The following GGTLC2 variants were observed in gnomAD, a reference collection of about 807,000 sequenced individuals.
The protein encoded by GGTLC2 is glutathione hydrolase light chain 2.
Under a neutral mutation model 20.2 loss-of-function variants are expected in GGTLC2, and 13 were observed. The ratio of observed to expected loss-of-function variants is 0.64; its 90% CI spans 0.42 to 1.02. The LOEUF is 1.02. Among genes scored for constraint, GGTLC2 ranks in the 50% least tolerant of loss-of-function variants. The pLI, the probability that GGTLC2 is intolerant of heterozygous loss-of-function variation, is 0.00. For missense variants in GGTLC2, 202 were observed against 301.3 expected, an observed-to-expected ratio of 0.67 and a Z score of 2.44; for synonymous variants, 89 against 125.5, an observed-to-expected ratio of 0.71 and a Z score of 1.94.
chr22:22,646,930 G>A, intron 3 of GGTLC2, 49 bp downstream of exon 3: 1 of 1,612,198 alleles, frequency 6.2e-7, no homozygotes, highest in East Asian at 2.2e-5. Context: ...AGAGGGGCGG[G>A]TGTCCTGGGC....
At chr22:22,645,268 C>T (rs1183182479) in intron 1 of GGTLC2, among the ~76,000 whole-genome samples, 2 of 151,456 alleles carry the variant, frequency 1.3e-5, no homozygotes, top group Non-Finnish European at 2.9e-5. Context: ...TCTGTCTCCT[C>T]CTTGACCTCC....
At chr22:22,645,998 C>T (rs1439046597) in intron 1 of GGTLC2, 94 of 497,854 alleles carry the variant, frequency 1.9e-4, no homozygotes, top group South Asian at 2.4e-4. Flanking sequence ...AGGGCAGGAC[C>T]TAAGTGTCTG....
At position 22,646,441 on chromosome 22, in the gene GGTLC2, G is replaced by A. The variant is rs9612135; in HGVS notation, c.96G>A (p.Pro32=). 726,979 of 1,425,596 alleles carry A rather than the reference G, an allele frequency of 0.51. 229,397 individuals carry two copies. Among genetic ancestry groups the A allele is most frequent in the Admixed American group, 0.66 (32,508 of 48,986 alleles). The allele number at this position is 1,425,596 out of a possible 1,614,324, so 88.3% of individuals were successfully genotyped here. A position where few individuals can be genotyped will look rare whatever the true frequency, so the allele number is the denominator to read the frequency against. ...ACTACAAGCCCGAGTTCTACACGCC[G>A]GTTGATGGGGGCACTGCTCACCTGT... The part of the protein sequence containing the change: ...ISYYKPEFYT[P]VDGGTAHLSV... The change falls in exon 2 of 6, where the codon CCG becomes CCA. Residue 32 remains proline (P), a synonymous_variant. Transcript: ENST00000448514.
chr22:22,645,609 C>T (rs1415252160), intron 1 of GGTLC2, among the ~76,000 whole-genome samples: 1 of 150,754 alleles, frequency 6.6e-6, no homozygotes, highest in African/African-American at 2.4e-5. Flanking sequence ...TATCCTTATC[C>T]CCGTCATAGC....
intron 4 of GGTLC2, 28 bp downstream of exon 4, chr22:22,647,066 G>A (rs374411768): frequency 6.2e-7 from 1 of 1,611,682 alleles, no homozygotes; most frequent in Non-Finnish European, 8.5e-7. Flanking sequence ...AGCTGCTGGG[G>A]GCACACAGAT....
intron 5 of GGTLC2, 135 bp downstream of exon 5, chr22:22,647,425 C>T: frequency 3.7e-6 from 5 of 1,335,342 alleles, no homozygotes; most frequent in Non-Finnish European, 5.2e-6. Flanking sequence ...AGCCCCTGTG[C>T]CATGAGGGCC....
chr22:22,647,468 C>T, intron 5 of GGTLC2, 127 bp from the exon 6 acceptor site: 1 of 1,040,070 alleles, frequency 9.6e-7, no homozygotes, highest in African/African-American at 1.6e-5. Flanking sequence ...CCAGCAGGCC[C>T]CAACCTGCTC....
At chr22:22,644,882 C>T (rs1327987769) in intron 1 of GGTLC2, among the ~76,000 whole-genome samples, 174 bp downstream of exon 1, 16 of 32,526 alleles carry the variant, frequency 4.9e-4, no homozygotes, top group South Asian at 3.1e-3. Context: ...CAGACTCTCT[C>T]TTTTTTTTTT....
At chr22:22,645,596 C>A (rs374850310) in intron 1 of GGTLC2, among the ~76,000 whole-genome samples, 23 of 150,820 alleles carry the variant, frequency 1.5e-4, no homozygotes, top group African/African-American at 4.4e-4. Flanking sequence ...CCCCTTTGGG[C>A]TTTATCCTTA....
rs377676506 is a variant in GGTLC2, at chr22:22,646,710, G to A, written c.177-44G>A. 1.7e-3 allele frequency: 2,651 copies of A among 1,601,164 alleles called. 13 individuals carry two copies. The highest frequency in any genetic ancestry group is 1.7e-3 in the Non-Finnish European group (2,027 of 1,173,594). Reference sequence around the variant, plus strand: ...TCAGTGGGTGGATAGGGACCAGGCTGGGCCAGGCAAGGTCAGGTGCTGTCT... The same window carrying A: ...TCAGTGGGTGGATAGGGACCAGGCTAGGCCAGGCAAGGTCAGGTGCTGTCT... On this transcript the variant is annotated intron_variant, in intron 2 of 5. Coordinates refer to ENST00000448514, the MANE Select transcript of GGTLC2 (RefSeq NM_199127.3).
chr22:22,646,421 A>T lies in GGTLC2; in HGVS notation c.76A>T (p.Lys26Ter). ...DDTTHPISYYKPEFYTPVDGG... is the reference protein window; with the variant it reads ...DDTTHPISYY ...CACCACTCACCCGATCTCCTACTAC[A>T]AGCCCGAGTTCTACACGCCGGTTGA... The change falls in exon 2 of 6, where the codon AAG becomes TAG. Residue 26 changes from lysine to a stop codon, truncating the protein, a stop_gained. Transcript: ENST00000448514. LOFTEE classifies it high-confidence loss of function. 6.6e-7 allele frequency: 1 copy of T among 1,525,748 alleles called. No homozygotes were observed. Among genetic ancestry groups the T allele is most frequent in the Non-Finnish European group, 8.9e-7 (1 of 1,121,966 alleles). The allele number at this position is 1,525,748 out of a possible 1,614,324, so 94.5% of individuals were successfully genotyped here.
Position 22,647,124 on chromosome 22 carries a change from G to A in GGTLC2, c.361-17G>A, listed in dbSNP as rs148128345. ...TGTGTCACCCCTTTTCTCCCTGGCC[G>A]TGCCCACCCTGCACAGCCCCCAAGC... On this transcript the variant is annotated splice_polypyrimidine_tract_variant and intron_variant, in intron 4 of 5. Transcript: ENST00000448514. The A allele has an allele frequency of 2.2e-5, 35 of 1,611,436 alleles. No homozygotes were observed. Among genetic ancestry groups the A allele is most frequent in the South Asian group, 1.6e-4 (15 of 90,948 alleles).
chr22:22,646,952 G>A (rs745608157), intron 3 of GGTLC2, 31 bp from the exon 4 acceptor site: 36 of 1,611,710 alleles, frequency 2.2e-5, no homozygotes, highest in Non-Finnish European at 2.5e-5. Flanking sequence ...GGCAGCTGAC[G>A]GGCATCCCTG....
chr22:22,644,882 CTTTTT>C (rs1180593782), intron 1 of GGTLC2, among the ~76,000 whole-genome samples, 174 bp downstream of exon 1: 13 of 32,498 alleles, frequency 4.0e-4, no homozygotes, highest in East Asian at 2.5e-3. Context: ...CAGACTCTCT[CTTTTT>C]TTTTTTTTTT....
rs2064089805 is a variant in GGTLC2 at position 22,646,429 on chromosome 22, G to C, written c.84G>C (p.Glu28Asp). 1.3e-6 allele frequency: 2 copies of C among 1,533,584 alleles called. No individual in the cohort carries two copies. The highest frequency in any genetic ancestry group is 1.8e-6 in the Non-Finnish European group (2 of 1,121,998). The allele number at this position is 1,533,584 out of a possible 1,614,324, so 95.0% of individuals were successfully genotyped here. ...TTHPISYYKP[E>D]FYTPVDGGTA... is the part of the protein sequence containing the mutation. ...ACCCGATCTCCTACTACAAGCCCGA[G>C]TTCTACACGCCGGTTGATGGGGGCA... Residue 28 changes from glutamate to aspartate, a missense_variant, in exon 2 of 6, where the codon GAG becomes GAC. Glu to Asp is a conservative substitution (Grantham distance 45). Transcript: ENST00000448514.
chr22:22,645,247 C>G (rs866358194), intron 1 of GGTLC2, among the ~76,000 whole-genome samples: 125 of 151,250 alleles, frequency 8.3e-4, no homozygotes, highest in African/African-American at 3.0e-3. Context: ...CTTCGGCCTT[C>G]GGGTCCATCC....
chr22:22,646,829 C>A lies in GGTLC2; in HGVS notation c.252C>A (p.Asn84Lys), dbSNP rs1197685639. The A allele has an allele frequency of 1.2e-6, 2 of 1,613,246 alleles. No individual in the cohort carries two copies. Among genetic ancestry groups the A allele is most frequent in the Non-Finnish European group, 1.7e-6 (2 of 1,179,706 alleles). The change falls in exon 3 of 6, where the codon AAC becomes AAA. Residue 84 changes from asparagine to lysine, a missense_variant. Asn to Lys is a moderately conservative substitution (Grantham distance 94). This residue lies in a region of GGTLC2 where 71 missense variants were observed against 63.0 expected (regional missense o/e 1.13). Transcript: ENST00000448514. Reference protein sequence around the residue: ...NDEMDDFSSPNITNEFGVPPS... With the variant: ...NDEMDDFSSPKITNEFGVPPS... ...AAATGGATGACTTCAGCTCTCCCAA[C>A]ATCACCAACGAGTTTGGGGTGCCCC...
rs779810791 is a variant in GGTLC2, at chr22:22,647,088, C to T, written c.360+50C>T. The T allele has an allele frequency of 3.7e-6, 6 of 1,611,748 alleles. No individual in the cohort carries two copies. In the Admixed American group the frequency reaches 8.3e-5, roughly 22 times the overall value. Reference sequence around the variant, plus strand: ...GGGGGCACACAGATCACCACAGCCACTGCACTGATATGTGTCACCCCTTTT... The same window carrying T: ...GGGGGCACACAGATCACCACAGCCATTGCACTGATATGTGTCACCCCTTTT... On this transcript the variant is annotated intron_variant, in intron 4 of 5. Coordinates refer to ENST00000448514, the MANE Select transcript of GGTLC2 (RefSeq NM_199127.3).
rs988167741 is a variant in GGTLC2, at chr22:22,646,473, T to C, written c.128T>C (p.Val43Ala). ...VDGGTAHLSV[V>A]AEDGSAVSAT... ...GGGGGCACTGCTCACCTGTCTGTCG[T>C]CGCAGAGGACGGCAGTGCTGTGTCC... The change falls in exon 2 of 6, where the codon GTC (valine) becomes GCC (alanine). Residue 43 changes from valine (V) to alanine (A), a missense_variant. Coordinates refer to ENST00000448514, the MANE Select transcript of GGTLC2 (RefSeq NM_199127.3). 2.6e-6 allele frequency: 4 copies of C among 1,554,980 alleles called. No individual in the cohort carries two copies. The highest frequency in any genetic ancestry group is 1.8e-5 in the Admixed American group (1 of 54,732).
Sources: gnomAD v4.1 joint callset for allele counts (sites outside exome capture counted in the v4.1 genomes callset) on GRCh38, gnomAD v4.1.1 for gene constraint, gnomAD v4.1.1 regional missense constraint, MANE v1.5 for transcripts, NCBI Gene and HGNC (gene_info 2026-07-23, HGNC 2026-07-21) for gene names.